The following ENOX1 variants were observed in gnomAD, a reference collection of about 807,000 sequenced individuals.
ENOX1 encodes the protein candidate growth-related and time keeping constitutive hydroquinone (NADH) oxidase.
In ENOX1, 42 loss-of-function variants were observed where a neutral mutation model predicts 82.5. That is an observed-to-expected ratio of 0.51 (90% confidence interval 0.40 to 0.66). The LOEUF (loss-of-function observed/expected upper bound fraction) is 0.66, where lower values mean the gene tolerates loss of function less well. Among genes scored for constraint, ENOX1 ranks in the 30% least tolerant of loss-of-function variants. The probability of loss-of-function intolerance (pLI) is 0.00; values close to 1 mark genes in which losing one functional copy is unlikely to be tolerated. For missense variants in ENOX1, 608 were observed against 811.6 expected (o/e 0.75, Z 3.05); for synonymous variants, 271 against 282.2 (o/e 0.96, Z 0.40).
intron 1 of ENOX1, among the ~76,000 whole-genome samples, chr13:43,726,266 G>C (rs1485987011): frequency 1.4e-5 from 2 of 147,170 alleles, no homozygotes; most frequent in Non-Finnish European, 3.0e-5. Flanking sequence ...CCAGGCTTGA[G>C]TGTGCAGTGG....
chr13:43,239,592 A>T (rs1200468497), intron 14 of ENOX1, among the ~76,000 whole-genome samples: 1 of 152,218 alleles, frequency 6.6e-6, no homozygotes, highest in Non-Finnish European at 1.5e-5. Flanking sequence ...AAGTGGACCA[A>T]CTTGTGACCA....
intron 14 of ENOX1, among the ~76,000 whole-genome samples, chr13:43,240,307 C>G (rs1180999387): frequency 6.6e-6 from 1 of 152,112 alleles, no homozygotes; most frequent in Non-Finnish European, 1.5e-5. Context: ...ACCCAGGGAC[C>G]AGCAAGCAAT....
chr13:43,518,901 C>T (rs1181808183), intron 2 of ENOX1, among the ~76,000 whole-genome samples: 1 of 152,164 alleles, frequency 6.6e-6, no homozygotes, highest in Non-Finnish European at 1.5e-5. Context: ...AAGTAAATTA[C>T]AGAAAGTAAA....
At chr13:43,245,336 C>T (rs1269227515) in intron 14 of ENOX1, among the ~76,000 whole-genome samples, 1 of 152,206 alleles carries the variant, frequency 6.6e-6, no homozygotes, top group Non-Finnish European at 1.5e-5. Flanking sequence ...GCCCTTTTCC[C>T]TGACTTGGAC....
At chr13:43,626,638 T>C (rs1355685135) in intron 2 of ENOX1, among the ~76,000 whole-genome samples, 2 of 151,910 alleles carry the variant, frequency 1.3e-5, no homozygotes, top group East Asian at 3.8e-4. Context: ...GCTTGATTTA[T>C]TTGGATCAGA....
At chr13:43,281,760 G>A (rs2045397863) in intron 12 of ENOX1, among the ~76,000 whole-genome samples, 1 of 152,158 alleles carries the variant, frequency 6.6e-6, no homozygotes, top group South Asian at 2.1e-4. Flanking sequence ...TAGAAATACG[G>A]GAGGGATAAC....
Position 43,282,688 on chromosome 13 carries a change from C to T in ENOX1, c.1447-13111G>A, listed in dbSNP as rs566387626. The stretch of plus-strand genomic sequence containing the variant: ...ATCTGCCTGCCTTAGCTTCCCAAAG[C>T]GCTGGGATTACAGGCATGAGCCACC... On this transcript the variant is annotated intron_variant, in intron 12 of 16. Transcript: ENST00000690772. Among the ~76,000 whole-genome samples the T allele has an allele frequency of 5.9e-3, 903 of 151,952 alleles. 11 individuals are homozygous for T. Among genetic ancestry groups the T allele is most frequent in the Non-Finnish European group, 9.9e-3 (672 of 67,944 alleles).
chr13:43,647,750 A>G lies in ENOX1; in HGVS notation c.-219+19729T>C, dbSNP rs141467449. On this transcript the variant is annotated intron_variant, in intron 2 of 16. Transcript: ENST00000690772. ...CTGGAACCCATGAATATGTTACCTT[A>G]TATGGCAAAATAGATTTTGCAGATG... Among the ~76,000 whole-genome samples the G allele has an allele frequency of 3.3e-5, 5 of 152,304 alleles. 1 individual carries two copies. The highest frequency in any genetic ancestry group is 1.2e-4 in the African/African-American group (5 of 41,576).
intron 3 of ENOX1, among the ~76,000 whole-genome samples, chr13:43,441,137 G>C (rs888172085): frequency 6.6e-6 from 1 of 152,182 alleles, no homozygotes; most frequent in Non-Finnish European, 1.5e-5. Context: ...TGTAAGATCA[G>C]TAGTCATTAC....
chr13:43,234,142 C>A (rs2153457690), intron 15 of ENOX1, among the ~76,000 whole-genome samples: 1 of 152,248 alleles, frequency 6.6e-6, no homozygotes, highest in South Asian at 2.1e-4. Flanking sequence ...TATGAATGAC[C>A]AAACTCAATG....
chr13:43,400,245 G>T (rs985709279), intron 5 of ENOX1, among the ~76,000 whole-genome samples: 1 of 151,904 alleles, frequency 6.6e-6, no homozygotes, highest in Non-Finnish European at 1.5e-5. Context: ...ACCTTCAAGG[G>T]TTCTCCCTTC....
chr13:43,561,551 A>G (rs2079668726), intron 2 of ENOX1, among the ~76,000 whole-genome samples: 1 of 152,228 alleles, frequency 6.6e-6, no homozygotes, highest in Non-Finnish European at 1.5e-5. Flanking sequence ...GCACATTTTA[A>G]GTAAATGTGG....
intron 1 of ENOX1, among the ~76,000 whole-genome samples, chr13:43,716,984 T>A (rs552636890): frequency 1.3e-5 from 2 of 152,282 alleles, no homozygotes; most frequent in East Asian, 3.9e-4. Context: ...ACATACAGAT[T>A]CAGTGCTATC....
At chr13:43,607,556 C>T (rs953902674) in intron 2 of ENOX1, among the ~76,000 whole-genome samples, 3 of 152,254 alleles carry the variant, frequency 2.0e-5, no homozygotes, top group South Asian at 2.1e-4. Flanking sequence ...GTGTTTAGTG[C>T]TTAAAAATCC....
chr13:43,282,837 A>G lies in ENOX1; in HGVS notation c.1447-13260T>C, dbSNP rs534870286. 2.0e-3 allele frequency among the ~76,000 whole-genome samples: 301 copies of G among 152,010 alleles called. 3 individuals carry two copies. Among genetic ancestry groups the G allele is most frequent in the Admixed American group, 3.1e-3 (47 of 15,256 alleles). On this transcript the variant is annotated intron_variant, in intron 12 of 16. Transcript: ENST00000690772. ...GCCAGGCGCGGTGGCTTATGCCTGT[A>G]ATCCCAGCACTTTGGGAGGCTGAGG...
chr13:43,432,910 C>A (rs2055771091), intron 3 of ENOX1, among the ~76,000 whole-genome samples: 1 of 152,020 alleles, frequency 6.6e-6, no homozygotes, highest in Admixed American at 6.6e-5. Flanking sequence ...ACCCTATTCA[C>A]CAAACAGCAA....
At chr13:43,702,115 C>CT (rs956668535) in intron 1 of ENOX1, among the ~76,000 whole-genome samples, 1 of 152,150 alleles carries the variant, frequency 6.6e-6, no homozygotes, top group African/African-American at 2.4e-5. Context: ...TTGAAACTAG[C>CT]TTTTTTCACT....
chr13:43,553,261 A>C (rs2079284475), intron 2 of ENOX1, among the ~76,000 whole-genome samples: 2 of 152,242 alleles, frequency 1.3e-5, no homozygotes, highest in African/African-American at 4.8e-5. Flanking sequence ...CTGAATTGGG[A>C]AATCTTGCAT....
chr13:43,549,238 T>C (rs1403922150), intron 2 of ENOX1, among the ~76,000 whole-genome samples: 3 of 152,224 alleles, frequency 2.0e-5, no homozygotes, highest in African/African-American at 2.4e-5. Context: ...ATCAGTCACA[T>C]TGAATTTATT....
Sources: allele counts gnomAD v4.1 joint callset (sites outside exome capture counted in the v4.1 genomes callset), GRCh38; gene constraint gnomAD v4.1.1; transcripts MANE v1.5; gene names NCBI Gene and HGNC (gene_info 2026-07-23, HGNC 2026-07-21).